The following INVS variants were observed in gnomAD, a reference collection of about 807,000 sequenced individuals.
INVS encodes inversin, also known as inversion of embryo turning homolog.
In INVS, 86 loss-of-function variants were observed where a neutral mutation model predicts 108.8. The observed-to-expected ratio is 0.79, with a 90% CI of 0.66 to 0.95. INVS has a LOEUF of 0.95. Ranked by LOEUF, INVS falls within the 40% of genes least tolerant of loss-of-function variation. INVS has a pLI of 0.00. For synonymous variants in INVS, 455 were observed against 473.5 expected, an observed-to-expected ratio of 0.96 and a Z score of 0.51; for missense variants, 1,169 against 1,297.4, an observed-to-expected ratio of 0.90 and a Z score of 1.52.
intron 1 of INVS, among the ~76,000 whole-genome samples, chr9:100,100,613 A>AC (rs1491408110): frequency 1.4e-5 from 1 of 72,440 alleles, no homozygotes; most frequent in Non-Finnish European, 2.5e-5. Flanking sequence ...TAATATATAT[A>AC]ATATATGTAT....
At chr9:100,158,816 G>A (rs1265499517) in intron 3 of INVS, among the ~76,000 whole-genome samples, 1 of 152,170 alleles carries the variant, frequency 6.6e-6, no homozygotes, top group African/African-American at 2.4e-5. Context: ...TTTGGGTCAT[G>A]GGAGCAGATC....
chr9:100,184,090 TGGA>T (rs1829983434), intron 3 of INVS, among the ~76,000 whole-genome samples: 1 of 152,116 alleles, frequency 6.6e-6, no homozygotes, highest in South Asian at 2.1e-4. Flanking sequence ...CTATAATACT[TGGA>T]GGAAATACTA....
At chr9:100,154,479 A>C (rs1828910078) in intron 3 of INVS, among the ~76,000 whole-genome samples, 1 of 151,472 alleles carries the variant, frequency 6.6e-6, no homozygotes, top group African/African-American at 2.4e-5. Flanking sequence ...CCCTGCCTGC[A>C]AATGTACTTT....
intron 2 of INVS, among the ~76,000 whole-genome samples, chr9:100,106,021 T>A (rs1257397632): frequency 2.6e-5 from 4 of 152,086 alleles, no homozygotes; most frequent in Admixed American, 2.6e-4. Flanking sequence ...TTACTACTCA[T>A]CATACCACAT....
At chr9:100,206,004 A>G (rs1830665766) in intron 3 of INVS, among the ~76,000 whole-genome samples, 1 of 152,140 alleles carries the variant, frequency 6.6e-6, no homozygotes, top group Non-Finnish European at 1.5e-5. Context: ...CCAGCTATTT[A>G]GTGACTTTTT....
In INVS at chr9:100,284,612, A is replaced by G; in HGVS notation, c.2068+9A>G. Reference sequence around the variant, plus strand: ...CTCCAGAAGGCCAAATGGTAGGTGTATTGCCTTTGTCATCTTCTGCCGGCC... The same window carrying G: ...CTCCAGAAGGCCAAATGGTAGGTGTGTTGCCTTTGTCATCTTCTGCCGGCC... On this transcript the variant is annotated intron_variant, in intron 13 of 16. Transcript: ENST00000262457. 1 of 1,612,154 alleles carries G rather than the reference A, an allele frequency of 6.2e-7. No homozygotes were observed. The highest frequency in any genetic ancestry group is 1.1e-5 in the South Asian group (1 of 90,736).
intron 3 of INVS, among the ~76,000 whole-genome samples, chr9:100,184,549 T>A (rs553869079): frequency 6.6e-6 from 1 of 152,316 alleles, no homozygotes; most frequent in East Asian, 1.9e-4. Context: ...TGTGTAGTAT[T>A]TAACATATAG....
chr9:100,212,936 T>G (rs567427484), intron 3 of INVS, among the ~76,000 whole-genome samples: 49 of 152,282 alleles, frequency 3.2e-4, no homozygotes, highest in Non-Finnish European at 6.0e-4. Flanking sequence ...AACAGACATT[T>G]ATTTCTCACA....
chr9:100,154,288 C>G (rs950350527), intron 3 of INVS, among the ~76,000 whole-genome samples: 1 of 148,216 alleles, frequency 6.7e-6, no homozygotes. Context: ...CCTTAGGCTC[C>G]TGAGTAGCTG....
intron 10 of INVS, among the ~76,000 whole-genome samples, chr9:100,256,419 G>T (rs933782549): frequency 6.6e-6 from 1 of 152,084 alleles, no homozygotes. Flanking sequence ...ATCTCCTTCA[G>T]TTCTGCTGTG....
At position 100,284,462 on chromosome 9, in the gene INVS, C is replaced by G; in HGVS notation, c.1927C>G (p.Gln643Glu). ...PSRQSRAPSK[Q>E]PPAGNVAQGP... ...CAGGCAGAGCCGGGCCCCCAGCAAG[C>G]AGCCTCCTGCTGGCAACGTGGCCCA... The change falls in exon 13 of 17, where the codon CAG becomes GAG. Residue 643 changes from glutamine to glutamate, a missense_variant. Gln to Glu is a conservative substitution (Grantham distance 29). This residue lies in a region of INVS where 533 missense variants were observed against 536.0 expected (regional missense o/e 0.99). Coordinates refer to ENST00000262457, the MANE Select transcript of INVS (RefSeq NM_014425.5). 6.2e-7 allele frequency: 1 copy of G among 1,614,174 alleles called. No individual in the cohort carries two copies. Among genetic ancestry groups the G allele is most frequent in the Admixed American group, 1.7e-5 (1 of 60,028 alleles).
intron 12 of INVS, among the ~76,000 whole-genome samples, chr9:100,275,886 C>T (rs537257148): frequency 3.2e-4 from 49 of 152,188 alleles, no homozygotes; most frequent in Non-Finnish European, 5.6e-4. Flanking sequence ...ATGTTGTTGC[C>T]AAAATGAACA....
intron 10 of INVS, among the ~76,000 whole-genome samples, chr9:100,261,458 C>T (rs1172412219): frequency 2.0e-5 from 3 of 151,906 alleles, no homozygotes; most frequent in East Asian, 1.9e-4. Context: ...TTAGTAGAGA[C>T]GGGGTTCAAC....
chr9:100,292,950 T>C lies in INVS; in HGVS notation c.2693T>C (p.Leu898Pro). Residue 898 changes from leucine to proline, a missense_variant, in exon 14 of 17, where the codon CTC becomes CCC. Transcript: ENST00000262457. ...AATATTGACCTTCTCCCCGTAGAGCTCCGACTGCAGATAATTCAGAGAGAA... is the reference window on the plus strand; with the variant it reads ...AATATTGACCTTCTCCCCGTAGAGCCCCGACTGCAGATAATTCAGAGAGAA... Reference protein sequence around the residue: ...SVNIDLLPVELRLQIIQRERR... With the variant: ...SVNIDLLPVEPRLQIIQRERR... 1 of 1,613,008 alleles carries C rather than the reference T, an allele frequency of 6.2e-7. No homozygotes were observed. The highest frequency in any genetic ancestry group is 8.5e-7 in the Non-Finnish European group (1 of 1,179,050).
intron 2 of INVS, among the ~76,000 whole-genome samples, chr9:100,114,447 G>T (rs1021540728): frequency 1.9e-4 from 22 of 118,276 alleles, no homozygotes; most frequent in Non-Finnish European, 3.2e-4. Flanking sequence ...TGTCTCCCAG[G>T]CTGAAGAGCA....
chr9:100,244,630 G>T (rs1304021425), intron 7 of INVS, among the ~76,000 whole-genome samples: 1 of 152,044 alleles, frequency 6.6e-6, no homozygotes, highest in Non-Finnish European at 1.5e-5. Flanking sequence ...TTCCAGAGTT[G>T]ATTTTTAATA....
At position 100,141,008 on chromosome 9, in the gene INVS, G is replaced by A. The variant is rs1481963538; in HGVS notation, c.273+14459G>A. 4.6e-5 allele frequency among the ~76,000 whole-genome samples: 7 copies of A among 152,312 alleles called. No homozygotes were observed. The East Asian group carries it at 9.6e-4, about 21-fold the overall frequency. On this transcript the variant is annotated intron_variant, in intron 3 of 16. Coordinates refer to ENST00000262457, the MANE Select transcript of INVS (RefSeq NM_014425.5). ...ATTATTTATTTACTTCAAGAGTTAAGAGTGGCAGTTTGGGGATAGCTCCAG... is the reference window on the plus strand; with the variant it reads ...ATTATTTATTTACTTCAAGAGTTAAAAGTGGCAGTTTGGGGATAGCTCCAG...
intron 2 of INVS, among the ~76,000 whole-genome samples, chr9:100,105,349 C>T (rs1827138137): frequency 6.6e-6 from 1 of 152,144 alleles, no homozygotes; most frequent in Non-Finnish European, 1.5e-5. Flanking sequence ...CCTACATTTG[C>T]AGTTTCTCCA....
At chr9:100,125,392 T>C (rs1827850643) in intron 2 of INVS, among the ~76,000 whole-genome samples, 1 of 152,190 alleles carries the variant, frequency 6.6e-6, no homozygotes, top group Non-Finnish European at 1.5e-5. Flanking sequence ...GAGAGTAGAC[T>C]TCTCTTGAGA....
Sources: gnomAD v4.1 joint callset for allele counts (sites outside exome capture counted in the v4.1 genomes callset) on GRCh38, gnomAD v4.1.1 for gene constraint, gnomAD v4.1.1 regional missense constraint, MANE v1.5 for transcripts, NCBI Gene and HGNC (gene_info 2026-07-23, HGNC 2026-07-21) for gene names.